Variants in STK3 observed in about 807,000 individuals in gnomAD.
The protein encoded by STK3 is serine/threonine kinase 3.
In STK3, 41 loss-of-function variants were observed where a neutral mutation model predicts 58.0. That is an observed-to-expected ratio of 0.71 (90% CI 0.55 to 0.92). The LOEUF is 0.92. STK3 is among the 40% of genes least tolerant of loss of function. The pLI is 0.00. For missense variants in STK3, 479 were observed against 602.7 expected, an observed-to-expected ratio of 0.79 and a Z score of 2.15; for synonymous variants, 170 against 191.0, an observed-to-expected ratio of 0.89 and a Z score of 0.91.
chr8:98,694,649 C>A (rs1018480787), intron 6 of STK3, among the ~76,000 whole-genome samples: 2 of 152,154 alleles, frequency 1.3e-5, no homozygotes, highest in Non-Finnish European at 2.9e-5. Context: ...TGATTTCCAA[C>A]TTCATCCATG....
At chr8:98,679,388 G>A (rs889391001) in intron 6 of STK3, among the ~76,000 whole-genome samples, 2 of 152,070 alleles carry the variant, frequency 1.3e-5, no homozygotes, top group Admixed American at 1.3e-4. Flanking sequence ...TTTTATTCCA[G>A]TATCATCTTC....
At chr8:98,541,367 C>G (rs759093179) in intron 9 of STK3, among the ~76,000 whole-genome samples, 5 of 152,048 alleles carry the variant, frequency 3.3e-5, no homozygotes, top group Non-Finnish European at 7.4e-5. Flanking sequence ...TAGCCCCACC[C>G]GCTTTGCTCT....
At chr8:98,775,264 C>T (rs1831601136) in intron 1 of STK3, among the ~76,000 whole-genome samples, 2 of 152,150 alleles carry the variant, frequency 1.3e-5, no homozygotes, top group African/African-American at 4.8e-5. Flanking sequence ...ATGATACCCA[C>T]AATGGAAAAT....
chr8:98,493,210 G>C (rs1018414038), intron 10 of STK3, among the ~76,000 whole-genome samples: 1 of 137,486 alleles, frequency 7.3e-6, no homozygotes, highest in African/African-American at 2.8e-5. Context: ...TCCATCCTGG[G>C]CAATAGAGCA....
intron 7 of STK3, among the ~76,000 whole-genome samples, chr8:98,580,258 T>C (rs554327986): frequency 6.6e-5 from 10 of 152,322 alleles, no homozygotes; most frequent in South Asian, 6.2e-4. Context: ...TTCTATTTTA[T>C]TGTATCTTAA....
chr8:98,515,796 T>A (rs1274138320), intron 10 of STK3, among the ~76,000 whole-genome samples: 1 of 151,906 alleles, frequency 6.6e-6, no homozygotes, highest in Non-Finnish European at 1.5e-5. Context: ...TTTTTAAAAT[T>A]TTATTATTAT....
chr8:98,903,191 A>G (rs992460150), intron 1 of STK3, among the ~76,000 whole-genome samples: 1 of 152,232 alleles, frequency 6.6e-6, no homozygotes, highest in African/African-American at 2.4e-5. Flanking sequence ...AATGGCTAGG[A>G]TATGACATTG....
the STK3 span, among the ~76,000 whole-genome samples, chr8:98,358,840 T>C: frequency 1.3e-5 from 2 of 151,988 alleles, no homozygotes; most frequent in South Asian, 4.2e-4. Context: ...GAAAGTGTTG[T>C]GGAGATAAGC....
the STK3 span, among the ~76,000 whole-genome samples, chr8:98,357,602 T>C: frequency 3.0e-3 from 463 of 152,280 alleles, 2 homozygotes; most frequent in African/African-American, 0.011. Flanking sequence ...ACACACAACA[T>C]CTGGAGGGAG....
intron 4 of STK3, among the ~76,000 whole-genome samples, chr8:98,714,628 A>G (rs952694932): frequency 6.6e-6 from 1 of 152,210 alleles, no homozygotes; most frequent in Non-Finnish European, 1.5e-5. Flanking sequence ...CAATGAAATA[A>G]AAGAGGATAC....
chr8:98,692,676 G>A (rs1824499457), intron 6 of STK3, among the ~76,000 whole-genome samples: 1 of 151,884 alleles, frequency 6.6e-6, no homozygotes, highest in Non-Finnish European at 1.5e-5. Flanking sequence ...TGTACTTTAT[G>A]GCAATGAATT....
At chr8:98,764,244 T>C (rs1404022131) in intron 3 of STK3, among the ~76,000 whole-genome samples, 1 of 152,240 alleles carries the variant, frequency 6.6e-6, no homozygotes, top group Non-Finnish European at 1.5e-5. Flanking sequence ...ATTCTTTACT[T>C]TTCTTTCCCT....
At chr8:98,523,556 G>C (rs1347453861) in intron 10 of STK3, among the ~76,000 whole-genome samples, 1 of 151,894 alleles carries the variant, frequency 6.6e-6, no homozygotes, top group Non-Finnish European at 1.5e-5. Context: ...TGTATTTTTA[G>C]TACAGGTGGG....
chr8:98,490,127 CTTAG>C (rs948158223), intron 10 of STK3, among the ~76,000 whole-genome samples: 2 of 152,122 alleles, frequency 1.3e-5, no homozygotes, highest in African/African-American at 4.8e-5. Flanking sequence ...GGCAAGTTTC[CTTAG>C]TTACAGATCT....
At chr8:98,897,334 G>C (rs551619477) in intron 1 of STK3, among the ~76,000 whole-genome samples, 2 of 152,236 alleles carry the variant, frequency 1.3e-5, no homozygotes, top group South Asian at 4.1e-4. Flanking sequence ...GAGGCGGGCG[G>C]ATCACGAGGT....
chr8:98,557,411 G>C (rs1038794799), intron 8 of STK3, among the ~76,000 whole-genome samples: 43 of 151,982 alleles, frequency 2.8e-4, no homozygotes, highest in Non-Finnish European at 1.5e-5. Flanking sequence ...TCCAACTCTG[G>C]TAAAGGATAG....
chr8:98,767,625 G>C (rs1366888131), intron 2 of STK3, among the ~76,000 whole-genome samples: 1 of 152,116 alleles, frequency 6.6e-6, no homozygotes, highest in East Asian at 1.9e-4. Flanking sequence ...GAAAGAAACA[G>C]ACTTGCGTTT....
chr8:98,589,910 G>C (rs1815122610), intron 7 of STK3, among the ~76,000 whole-genome samples: 5 of 152,174 alleles, frequency 3.3e-5, no homozygotes. Context: ...GGAACCCCCT[G>C]ACCCCTTGCA....
chr8:98,526,136 T>C (rs1356320114), intron 10 of STK3, among the ~76,000 whole-genome samples: 1 of 151,978 alleles, frequency 6.6e-6, no homozygotes, highest in African/African-American at 2.4e-5. Context: ...TACTTTAAAA[T>C]AGTTCATCTG....
Sources: gnomAD v4.1 joint callset for allele counts (sites outside exome capture counted in the v4.1 genomes callset) on GRCh38, gnomAD v4.1.1 for gene constraint, MANE v1.5 for transcripts, NCBI Gene and HGNC (gene_info 2026-07-23, HGNC 2026-07-21) for gene names.